CAPRIN1: variants seen among roughly 807,000 people sequenced by gnomAD.
The protein encoded by CAPRIN1 is cell cycle associated protein 1, also known as caprin-1.
Under a neutral mutation model 100.9 loss-of-function variants are expected in CAPRIN1, and 29 were observed. That is an observed-to-expected ratio of 0.29 (90% CI 0.21 to 0.39). The LOEUF (loss-of-function observed/expected upper bound fraction) is 0.39. Among genes scored for constraint, CAPRIN1 ranks in the 10% least tolerant of loss-of-function variants. CAPRIN1 has a pLI of 1.00. For missense variants in CAPRIN1, 795 were observed against 876.7 expected, an observed-to-expected ratio of 0.91 and a Z score of 1.18; for synonymous variants, 338 against 307.5, an observed-to-expected ratio of 1.10 and a Z score of -1.04.
chr11:34,053,734 C>T (rs1850387206), intron 2 of CAPRIN1: 1 of 152,072 alleles, frequency 6.6e-6, no homozygotes, highest in Non-Finnish European at 1.5e-5. Context: ...AGTGTAAACT[C>T]TTGTTTAGAG....
chr11:34,054,284 G>A (rs994526083), intron 2 of CAPRIN1, among the ~76,000 whole-genome samples: 3 of 152,124 alleles, frequency 2.0e-5, no homozygotes, highest in Admixed American at 6.6e-5. Flanking sequence ...AATTGGAATA[G>A]TAAATGTAGT....
rs775570127 is a variant in CAPRIN1, at chr11:34,071,995, A to C, written c.366+8A>C. On this transcript the variant is annotated splice_region_variant and intron_variant, in intron 4 of 18. Transcript: ENST00000341394. ...ATGGCACTAAGTCAAGATGTAAGTA[A>C]AAGAAAGTATACATATTTATGAAAT... The C allele has an allele frequency of 6.4e-7, 1 of 1,562,594 alleles. No homozygotes were observed. Among genetic ancestry groups the C allele is most frequent in the Admixed American group, 1.7e-5 (1 of 58,848 alleles).
At chr11:34,054,580 A>G (rs1375554450) in intron 2 of CAPRIN1, among the ~76,000 whole-genome samples, 1 of 152,082 alleles carries the variant, frequency 6.6e-6, no homozygotes, top group Non-Finnish European at 1.5e-5. Context: ...GGTGCCTGCC[A>G]CCACGCCCAG....
intron 2 of CAPRIN1, among the ~76,000 whole-genome samples, chr11:34,069,618 C>T (rs988657142): frequency 6.6e-6 from 1 of 152,012 alleles, no homozygotes; most frequent in Non-Finnish European, 1.5e-5. Context: ...GACACATCTT[C>T]TGCACCTGGG....
At position 34,102,433 on chromosome 11, in the gene CAPRIN1, A is replaced by C. The variant is rs1308141665; in HGVS notation, c.*3066A>C. 6.6e-6 allele frequency among the ~76,000 whole-genome samples: 1 copy of C among 152,240 alleles called. No individual in the cohort carries two copies. Among genetic ancestry groups the C allele is most frequent in the Non-Finnish European group, 1.5e-5 (1 of 68,032 alleles). ...ATTATAAGTTAGATTTCACAGAATCAGTATTGCCCTTGATCTTGTCCTTTT... is the reference window on the plus strand; with the variant it reads ...ATTATAAGTTAGATTTCACAGAATCCGTATTGCCCTTGATCTTGTCCTTTT... On this transcript the variant is annotated 3_prime_UTR_variant, in exon 19 of 19. Transcript: ENST00000341394.
chr11:34,076,786 T>C, intron 6 of CAPRIN1, 144 bp downstream of exon 6: 1 of 622,518 alleles, frequency 1.6e-6, no homozygotes, highest in Non-Finnish European at 2.8e-6. Flanking sequence ...CAGGTTGGAG[T>C]GTAGTAGTGT....
intron 4 of CAPRIN1, 145 bp from the exon 5 acceptor site, chr11:34,076,091 T>A: frequency 1.6e-6 from 1 of 614,502 alleles, no homozygotes. Context: ...TAAAACTATT[T>A]GTAAGTCAGG....
chr11:34,091,190 C>G (rs1565096844), intron 14 of CAPRIN1, among the ~76,000 whole-genome samples: 1 of 152,286 alleles, frequency 6.6e-6, no homozygotes, highest in South Asian at 2.1e-4. Flanking sequence ...ATTAAAATAA[C>G]TTTTGATTAA....
chr11:34,086,412 A>G lies in CAPRIN1; in HGVS notation c.1230A>G (p.Pro410=). ...ACATGCCCCAGCTGGTTTGCCCTCCAGGTTAGTAGTGGTACATTTTTATGT... is the reference window on the plus strand; with the variant it reads ...ACATGCCCCAGCTGGTTTGCCCTCCGGGTTAGTAGTGGTACATTTTTATGT... The part of the protein sequence containing the change: ...NMDMPQLVCP[P]VHSESRLAQP... Residue 410 remains proline (P), a splice_region_variant and synonymous_variant, in exon 11 of 19, where the codon CCA becomes CCG. Transcript: ENST00000341394. The G allele has an allele frequency of 6.3e-7, 1 of 1,581,354 alleles. No homozygotes were observed. The highest frequency in any genetic ancestry group is 8.7e-7 in the Non-Finnish European group (1 of 1,155,188).
rs770895842 is a variant in CAPRIN1, at chr11:34,052,406, C to G, written c.1-15C>G. 6 of 1,601,818 alleles carry G rather than the reference C, an allele frequency of 3.7e-6. No individual in the cohort carries two copies. Among genetic ancestry groups the G allele is most frequent in the East Asian group, 2.2e-5 (1 of 44,590 alleles). On this transcript the variant is annotated splice_polypyrimidine_tract_variant and intron_variant, in intron 1 of 18. Transcript: ENST00000341394. ...CTTCCTCCCGCTTTTTCTTCTCTCTCCTTGCGGTCTGAAGATGCCCTCGGC... is the reference window on the plus strand; with the variant it reads ...CTTCCTCCCGCTTTTTCTTCTCTCTGCTTGCGGTCTGAAGATGCCCTCGGC...
chr11:34,071,344 A>G (rs1192153541), intron 2 of CAPRIN1, among the ~76,000 whole-genome samples: 1 of 152,094 alleles, frequency 6.6e-6, no homozygotes, highest in Admixed American at 6.6e-5. Flanking sequence ...CAGGTGGATC[A>G]CCTGAGGTCA....
At chr11:34,067,845 A>G (rs977959726) in intron 2 of CAPRIN1, among the ~76,000 whole-genome samples, 13 of 152,064 alleles carry the variant, frequency 8.5e-5, no homozygotes, top group Admixed American at 4.6e-4. Context: ...CTTTTTGCAT[A>G]CTTTCTTTTG....
In CAPRIN1 at chr11:34,089,404, A is replaced by C. The variant is rs1218318039; in HGVS notation, c.1241A>C (p.Glu414Ala). The change falls in exon 12 of 19, where the codon GAA (glutamate) becomes GCA (alanine). Residue 414 changes from glutamate to alanine, a missense_variant. Around this residue, in one of 3 missense-constraint regions of CAPRIN1, gnomAD observed 648 missense variants for 697.9 expected, o/e 0.93. Transcript: ENST00000341394. ...PQLVCPPVHS[E>A]SRLAQPNQVP... ...TTGGTCACCTTTGCAGTTCATTCTG[A>C]ATCTAGACTTGCTCAGCCTAATCAA... 6.2e-7 allele frequency: 1 copy of C among 1,606,450 alleles called. No homozygotes were observed. The highest frequency in any genetic ancestry group is 8.5e-7 in the Non-Finnish European group (1 of 1,175,312).
chr11:34,070,036 G>T (rs921847011), intron 2 of CAPRIN1, among the ~76,000 whole-genome samples: 2 of 152,132 alleles, frequency 1.3e-5, no homozygotes, highest in African/African-American at 4.8e-5. Flanking sequence ...TATTGGTAAG[G>T]GGGTAAGGAA....
At chr11:34,055,086 T>G (rs1247024297) in intron 2 of CAPRIN1, among the ~76,000 whole-genome samples, 4 of 152,154 alleles carry the variant, frequency 2.6e-5, no homozygotes, top group South Asian at 2.1e-4. Flanking sequence ...CCATGACTGG[T>G]CATTAAATGT....
intron 2 of CAPRIN1, among the ~76,000 whole-genome samples, chr11:34,062,624 CA>C (rs36059851): frequency 0.81 from 81,549 of 100,386 alleles, 32,638 homozygotes; most frequent in East Asian, 0.94. Context: ...AACTCCGTCT[CA>C]AAAAAAAAAA....
At chr11:34,051,913 C>T in intron 1 of CAPRIN1, 42 bp downstream of exon 1, 1 of 152,282 alleles carries the variant, frequency 6.6e-6, no homozygotes, top group Non-Finnish European at 1.5e-5. Flanking sequence ...GGGAAGAGGG[C>T]CGCTGCGCCC....
At chr11:34,084,676 T>TA (rs1433184500) in intron 9 of CAPRIN1, among the ~76,000 whole-genome samples, 1 of 152,112 alleles carries the variant, frequency 6.6e-6, no homozygotes, top group Non-Finnish European at 1.5e-5. Flanking sequence ...CAGCTGTATA[T>TA]ATGAGGTGTA....
chr11:34,096,457 C>G, intron 15 of CAPRIN1, 22 bp from the exon 16 acceptor site: 4 of 1,592,168 alleles, frequency 2.5e-6, no homozygotes, highest in Non-Finnish European at 3.4e-6. Flanking sequence ...ATGTATATAT[C>G]TTTTTCTTTT....
Sources: gnomAD v4.1 joint callset for allele counts (sites outside exome capture counted in the v4.1 genomes callset) on GRCh38, gnomAD v4.1.1 for gene constraint, gnomAD v4.1.1 regional missense constraint, MANE v1.5 for transcripts, NCBI Gene and HGNC (gene_info 2026-07-23, HGNC 2026-07-21) for gene names.